The following CD8B2 variants were observed in gnomAD, a reference collection of about 807,000 sequenced individuals.
The protein encoded by CD8B2 is CD8B family member 2.
In CD8B2, 11 loss-of-function variants were observed where a neutral mutation model predicts 23.7. That is an observed-to-expected ratio of 0.46 (90% CI 0.29 to 0.77). The LOEUF (loss-of-function observed/expected upper bound fraction) is 0.77, where lower values mean the gene tolerates loss of function less well. Among genes scored for constraint, CD8B2 ranks in the 30% least tolerant of loss-of-function variants. The pLI is 0.09. For missense variants in CD8B2, 197 were observed against 270.5 expected (o/e 0.73, Z 1.91); for synonymous variants, 90 against 109.3 (o/e 0.82, Z 1.10).
chr2:106,519,301 G>A (rs1159330742), intron 5 of CD8B2, among the ~76,000 whole-genome samples: 1 of 152,160 alleles, frequency 6.6e-6, no homozygotes, highest in Non-Finnish European at 1.5e-5. Flanking sequence ...TGATCACTGT[G>A]TGATGACTGC....
At chr2:106,505,134 G>T (rs1210448970) in intron 5 of CD8B2, among the ~76,000 whole-genome samples, 5 of 152,182 alleles carry the variant, frequency 3.3e-5, no homozygotes, top group Non-Finnish European at 7.3e-5. Flanking sequence ...CTTTCATGAG[G>T]CTGTTGGAAG....
At chr2:106,519,834 T>G (rs1244035404) in intron 5 of CD8B2, among the ~76,000 whole-genome samples, 1 of 152,208 alleles carries the variant, frequency 6.6e-6, no homozygotes, top group Admixed American at 6.5e-5. Context: ...AGTTTACAAA[T>G]TTGTGTTGGG....
chr2:106,488,921 TG>T (rs946793081), intron 1 of CD8B2, among the ~76,000 whole-genome samples: 46 of 152,082 alleles, frequency 3.0e-4, no homozygotes, highest in African/African-American at 1.1e-3. Context: ...GTGTGGTGTT[TG>T]GGGAAACAAG....
intron 5 of CD8B2, among the ~76,000 whole-genome samples, chr2:106,517,937 A>G (rs1679757520): frequency 1.3e-5 from 2 of 151,920 alleles, no homozygotes; most frequent in African/African-American, 4.8e-5. Flanking sequence ...GATGGTCTCG[A>G]TCTCCTGACC....
At chr2:106,495,860 A>T (rs1679289156) in intron 2 of CD8B2, among the ~76,000 whole-genome samples, 1 of 152,220 alleles carries the variant, frequency 6.6e-6, no homozygotes, top group African/African-American at 2.4e-5. Flanking sequence ...GTGCAGTTGC[A>T]TGATCATGGC....
At chr2:106,488,997 T>A (rs1376770019) in intron 1 of CD8B2, among the ~76,000 whole-genome samples, 2 of 151,664 alleles carry the variant, frequency 1.3e-5, no homozygotes, top group African/African-American at 4.8e-5. Flanking sequence ...TTTATTTTTA[T>A]TTTTTAATAA....
intron 5 of CD8B2, among the ~76,000 whole-genome samples, chr2:106,534,720 G>C (rs1680059518): frequency 6.6e-6 from 1 of 152,182 alleles, no homozygotes; most frequent in African/African-American, 2.4e-5. Context: ...CAGGGGTCTA[G>C]TGTTTCAACA....
chr2:106,537,658 C>T (rs1156793926), intron 5 of CD8B2, among the ~76,000 whole-genome samples: 4 of 152,060 alleles, frequency 2.6e-5, no homozygotes, highest in African/African-American at 9.7e-5. Flanking sequence ...TTGTGGAATG[C>T]CCGAGGAAGC....
downstream of CD8B2, among the ~76,000 whole-genome samples, chr2:106,513,401 C>T (rs575280052): frequency 1.1e-4 from 17 of 152,192 alleles, no homozygotes; most frequent in South Asian, 4.2e-4. Flanking sequence ...GTGCCAGCCC[C>T]GGACAGACCA....
intron 2 of CD8B2, among the ~76,000 whole-genome samples, chr2:106,491,829 G>A (rs190017408): frequency 3.9e-5 from 6 of 152,318 alleles, no homozygotes; most frequent in Admixed American, 2.6e-4. Flanking sequence ...GATTACAGGC[G>A]TGAGCCACCG....
chr2:106,507,507 G>C lies in CD8B2; in HGVS notation c.*567G>C, dbSNP rs1053170503. The C allele has an allele frequency of 4.2e-5, 41 of 984,850 alleles. No homozygotes were observed. The highest frequency in any genetic ancestry group is 4.8e-5 in the Non-Finnish European group (40 of 829,528). The allele number at this position is 984,850 out of a possible 1,614,324, so 61.0% of individuals were successfully genotyped here. A position where few individuals can be genotyped will look rare whatever the true frequency, so the allele number is the denominator to read the frequency against. ...TGGGGCCGGGAACTTGCGGGTTTGA[G>C]GATAGGAGTTCACTTCATCTTCTTA... On this transcript the variant is annotated 3_prime_UTR_variant, in exon 6 of 6. Coordinates refer to ENST00000643224, the MANE Select transcript of CD8B2 (RefSeq NM_001349727.2).
chr2:106,533,502 CA>C (rs1177045202), intron 5 of CD8B2, among the ~76,000 whole-genome samples: 22 of 152,254 alleles, frequency 1.4e-4, no homozygotes, highest in African/African-American at 5.3e-4. Context: ...CCGTGCTACA[CA>C]GGGTCTCTTG....
chr2:106,499,059 T>C (rs1360989364), intron 3 of CD8B2, among the ~76,000 whole-genome samples: 11 of 152,078 alleles, frequency 7.2e-5, no homozygotes, highest in Admixed American at 2.0e-4. Context: ...CCAAGCACGT[T>C]ATTTGCAGCA....
At chr2:106,538,171 A>G (rs1055296664) in intron 5 of CD8B2, 1 of 152,184 alleles carries the variant, frequency 6.6e-6, no homozygotes, top group African/African-American at 2.4e-5. Context: ...GGTGGCACAA[A>G]ACTAGCCAAT....
At chr2:106,537,038 G>T (rs887739153) in intron 5 of CD8B2, among the ~76,000 whole-genome samples, 2 of 152,160 alleles carry the variant, frequency 1.3e-5, no homozygotes, top group Non-Finnish European at 2.9e-5. Flanking sequence ...GTTGGCTCTA[G>T]GTGCCCTTTG....
At chr2:106,496,092 C>G in intron 2 of CD8B2, 81 bp from the exon 3 acceptor site, 2 of 1,549,204 alleles carry the variant, frequency 1.3e-6, no homozygotes, top group East Asian at 4.9e-5. Flanking sequence ...GCCACCGCAC[C>G]CGGCCATAAG....
chr2:106,529,455 G>C (rs970196617), intron 5 of CD8B2, among the ~76,000 whole-genome samples: 18 of 152,174 alleles, frequency 1.2e-4, no homozygotes, highest in African/African-American at 3.1e-4. Flanking sequence ...GCCCAGAAAT[G>C]GTAAGTTTCC....
At chr2:106,516,309 A>G (rs1171215100) in intron 5 of CD8B2, among the ~76,000 whole-genome samples, 1 of 152,024 alleles carries the variant, frequency 6.6e-6, no homozygotes, top group Non-Finnish European at 1.5e-5. Context: ...GCGAAGGAGC[A>G]CCTTTCCTTC....
chr2:106,502,102 C>G (rs2104557067), intron 3 of CD8B2, among the ~76,000 whole-genome samples: 1 of 151,890 alleles, frequency 6.6e-6, no homozygotes, highest in African/African-American at 2.4e-5. Context: ...TTGAGACCAG[C>G]CTGGCCAACA....
Sources: allele counts gnomAD v4.1 joint callset (sites outside exome capture counted in the v4.1 genomes callset), GRCh38; gene constraint gnomAD v4.1.1; transcripts MANE v1.5; gene names NCBI Gene and HGNC (gene_info 2026-07-23, HGNC 2026-07-21).